KCNN3: variants seen among roughly 807,000 people sequenced by gnomAD.
KCNN3 encodes potassium calcium-activated channel subfamily N member 3, also known as small conductance calcium-activated potassium channel protein 3.
In KCNN3, 16 loss-of-function variants were observed where a neutral mutation model predicts 62.9. The ratio of observed to expected loss-of-function variants is 0.25; its 90% CI spans 0.17 to 0.39. The LOEUF is 0.39. Ranked by LOEUF, KCNN3 falls within the 10% of genes least tolerant of loss-of-function variation. The pLI is 1.00. For missense variants in KCNN3, 599 were observed against 949.4 expected (o/e 0.63, Z 4.85); for synonymous variants, 370 against 389.2 (o/e 0.95, Z 0.58).
intron 1 of KCNN3, among the ~76,000 whole-genome samples, chr1:154,833,058 C>T (rs145811029): frequency 1.8e-4 from 28 of 152,284 alleles, no homozygotes; most frequent in Non-Finnish European, 3.5e-4. Context: ...TCAGCCTTAT[C>T]ACCCCTCCAA....
Position 154,772,121 on chromosome 1 carries a change from G to A in KCNN3, c.1302C>T (p.Ser434=). 2 of 1,614,220 alleles carry A rather than the reference G, an allele frequency of 1.2e-6. No homozygotes were observed. The highest frequency in any genetic ancestry group is 1.7e-6 in the Non-Finnish European group (2 of 1,180,046). Residue 434 remains serine, a synonymous_variant, in exon 3 of 8, where the codon TCC becomes TCT. Transcript: ENST00000271915. This position sits in a 1 kb window ranked among gnomAD's most constrained non-coding sequence, Gnocchi z 5.6. The part of the protein sequence containing the change: ...LHSKLFTDAS[S]RSIGALNKIN... ...TCTTGTTGAGGGCCCCGATGCTGCG[G>A]GACGAGGCATCGGTGAAGAGCTTGC... is the stretch of plus-strand genomic sequence containing the variant.
chr1:154,825,364 A>AT (rs56768657), intron 1 of KCNN3, among the ~76,000 whole-genome samples: 9,603 of 118,340 alleles, frequency 0.081, 925 homozygotes, highest in East Asian at 0.41. Flanking sequence ...GATGAGAATC[A>AT]TTTTTTTTTT....
At chr1:154,739,806 G>A (rs567930636) in intron 3 of KCNN3, among the ~76,000 whole-genome samples, 6 of 152,364 alleles carry the variant, frequency 3.9e-5, no homozygotes, top group South Asian at 4.1e-4. Flanking sequence ...AGGCAAGCCC[G>A]TGGAGTGCCA....
At position 154,772,127 on chromosome 1, in the gene KCNN3, G is replaced by A; in HGVS notation, c.1296C>T (p.Ala432=). The change falls in exon 3 of 8, where the codon GCC becomes GCT. Residue 432 remains alanine, a synonymous_variant. Transcript: ENST00000271915. This position sits in a 1 kb window ranked among gnomAD's most constrained non-coding sequence, Gnocchi z 5.6. ...TGAGGGCCCCGATGCTGCGGGACGA[G>A]GCATCGGTGAAGAGCTTGCTGTGCA... ...MLLHSKLFTD[A]SSRSIGALNK... The A allele has an allele frequency of 7.4e-6, 12 of 1,614,244 alleles. No homozygotes were observed. Among genetic ancestry groups the A allele is most frequent in the Non-Finnish European group, 1.0e-5 (12 of 1,180,044 alleles).
intron 2 of KCNN3, among the ~76,000 whole-genome samples, chr1:154,800,453 G>A: frequency 6.6e-6 from 1 of 152,158 alleles, no homozygotes; most frequent in East Asian, 1.9e-4. Flanking sequence ...TGGCTCAGAG[G>A]ATCTTTCTGG....
At chr1:154,812,009 A>G (rs1321816413) in intron 2 of KCNN3, among the ~76,000 whole-genome samples, 1 of 152,192 alleles carries the variant, frequency 6.6e-6, no homozygotes, top group Non-Finnish European at 1.5e-5. Context: ...ATGTTTCTTA[A>G]TAAGAGTGTG....
chr1:154,697,745 GGA>G lies in KCNN3; in HGVS notation c.*10229_*10230del, dbSNP rs1699769030. 1 of 152,158 alleles carries G rather than the reference GGA, an allele frequency of 6.6e-6. No homozygotes were observed. Among genetic ancestry groups the G allele is most frequent in the African/African-American group, 2.4e-5 (1 of 41,420 alleles). 9.4% of individuals were successfully genotyped at this position (152,158 alleles called of 1,614,324 possible). A position where few individuals can be genotyped will look rare whatever the true frequency, so the allele number is the denominator to read the frequency against. ...GACACATGTGGTCAATACACATCCTGGATCTTACAAATCCAATGGTGGCCAGC... is the reference window on the plus strand; with the variant it reads ...GACACATGTGGTCAATACACATCCTGTCTTACAAATCCAATGGTGGCCAGC... On this transcript the variant is annotated 3_prime_UTR_variant, in exon 8 of 8. Transcript: ENST00000271915.
chr1:154,756,681 G>A (rs1371088628), intron 3 of KCNN3, among the ~76,000 whole-genome samples: 1 of 152,150 alleles, frequency 6.6e-6, no homozygotes, highest in Admixed American at 6.5e-5. Context: ...GGCCCCAGAT[G>A]AGTAGGATCC....
At chr1:154,787,805 C>A (rs141649213) in intron 2 of KCNN3, among the ~76,000 whole-genome samples, 1 of 152,334 alleles carries the variant, frequency 6.6e-6, no homozygotes, top group Non-Finnish European at 1.5e-5. Flanking sequence ...CGCCCAGAGT[C>A]CCCTGTCCAA....
chr1:154,866,433 C>T (rs1652960158), intron 1 of KCNN3, among the ~76,000 whole-genome samples: 1 of 152,172 alleles, frequency 6.6e-6, no homozygotes. Context: ...CTCGCTAAAG[C>T]TCCATGACTT....
At chr1:154,708,680 T>C (rs538344328) in intron 7 of KCNN3, among the ~76,000 whole-genome samples, 48 of 152,126 alleles carry the variant, frequency 3.2e-4, no homozygotes, top group Admixed American at 2.6e-3. Flanking sequence ...GTATAATTAG[T>C]AGGCCAGGGC....
At chr1:154,805,555 T>G (rs1190219650) in intron 2 of KCNN3, among the ~76,000 whole-genome samples, 3 of 152,220 alleles carry the variant, frequency 2.0e-5, no homozygotes, top group African/African-American at 7.2e-5. Flanking sequence ...AAACGGTGTG[T>G]GGGGATTCCA....
intron 5 of KCNN3, among the ~76,000 whole-genome samples, chr1:154,723,367 A>T (rs770439134): frequency 5.9e-5 from 9 of 152,224 alleles, no homozygotes; most frequent in Non-Finnish European, 1.2e-4. Flanking sequence ...GAAAAGTGAG[A>T]TGTTATTCGA....
chr1:154,759,104 G>A (rs752023306), intron 3 of KCNN3, among the ~76,000 whole-genome samples: 2 of 152,046 alleles, frequency 1.3e-5, no homozygotes, highest in African/African-American at 2.4e-5. Flanking sequence ...CACCATGCCC[G>A]GCCAAAAAAA....
At chr1:154,827,390 T>C (rs1571315650) in intron 1 of KCNN3, among the ~76,000 whole-genome samples, 1 of 152,218 alleles carries the variant, frequency 6.6e-6, no homozygotes, top group Non-Finnish European at 1.5e-5. Context: ...CACCAAGCCC[T>C]GGCCTTCCTC....
intron 2 of KCNN3, 69 bp downstream of exon 2, chr1:154,822,020 G>T: frequency 8.5e-7 from 1 of 1,180,956 alleles, no homozygotes; most frequent in Non-Finnish European, 1.3e-6. Context: ...TGGGGGTGGG[G>T]ATGGGCTCGG....
rs760112555 is a variant in KCNN3, at chr1:154,822,099, C to T, written c.1019G>A (p.Arg340His). 25 of 1,612,830 alleles carry T rather than the reference C, an allele frequency of 1.6e-5. No individual in the cohort carries two copies. The highest frequency in any genetic ancestry group is 2.2e-5 in the East Asian group (1 of 44,890). The change falls in exon 2 of 8, where the codon CGT (arginine) becomes CAT (histidine). Residue 340 changes from arginine to histidine, a missense_variant. Arg to His is a conservative substitution (Grantham distance 29). Around this residue, in one of 7 missense-constraint regions of KCNN3, gnomAD observed 288 missense variants for 557.4 expected, o/e 0.52. Transcript: ENST00000271915. ...LLGLIIAYHT[R>H]EVQLFVIDNG... ...GGTGGGGGCACCTACCTGGACTTCA[C>T]GTGTGTGGTAGGCGATGATCAAGCC...
intron 2 of KCNN3, among the ~76,000 whole-genome samples, chr1:154,784,172 T>G (rs1389493806): frequency 6.6e-6 from 1 of 152,176 alleles, no homozygotes; most frequent in East Asian, 1.9e-4. Context: ...TGGGTTGCTG[T>G]GGCCACACCT....
chr1:154,820,175 C>A (rs1650831634), intron 2 of KCNN3, among the ~76,000 whole-genome samples: 1 of 152,226 alleles, frequency 6.6e-6, no homozygotes. Flanking sequence ...CATGACCCTG[C>A]CACCAGGCCG....
Sources: gnomAD v4.1 joint callset for allele counts (sites outside exome capture counted in the v4.1 genomes callset) on GRCh38, gnomAD v4.1.1 for gene constraint, gnomAD v4.1.1 regional missense constraint, Gnocchi (gnomAD v3.1) non-coding constraint, MANE v1.5 for transcripts, NCBI Gene and HGNC (gene_info 2026-07-23, HGNC 2026-07-21) for gene names.